Variants in EPHA6 observed in about 807,000 individuals in gnomAD.
EPHA6 encodes the protein EPH receptor A6.
Under a neutral mutation model 112.0 loss-of-function variants are expected in EPHA6, and 50 were observed. The ratio of observed to expected loss-of-function variants is 0.45; its 90% confidence interval spans 0.36 to 0.56. The LOEUF (loss-of-function observed/expected upper bound fraction) is 0.56, where lower values mean the gene tolerates loss of function less well. Among genes scored for constraint, EPHA6 ranks in the 20% least tolerant of loss-of-function variants. The pLI, the probability that EPHA6 is intolerant of heterozygous loss-of-function variation, is 0.00. For synonymous variants in EPHA6, 529 were observed against 490.7 expected (o/e 1.08, Z -1.03); for missense variants, 1,280 against 1,417.4 (o/e 0.90, Z 1.56).
At chr3:96,845,374 T>C (rs1415640032) in intron 1 of EPHA6, among the ~76,000 whole-genome samples, 1 of 152,024 alleles carries the variant, frequency 6.6e-6, no homozygotes, top group Non-Finnish European at 1.5e-5. Flanking sequence ...TTCAGCAGTG[T>C]GGCTCATATG....
intron 3 of EPHA6, among the ~76,000 whole-genome samples, chr3:97,189,240 G>T (rs1468857716): frequency 6.6e-6 from 1 of 152,012 alleles, no homozygotes; most frequent in African/African-American, 2.4e-5. Flanking sequence ...TATGAGATGT[G>T]CCAACAATAA....
At chr3:97,337,829 A>G (rs2083129599) in intron 5 of EPHA6, among the ~76,000 whole-genome samples, 1 of 152,148 alleles carries the variant, frequency 6.6e-6, no homozygotes, top group African/African-American at 2.4e-5. Flanking sequence ...TATCACAGTA[A>G]TCATATTTAT....
intron 2 of EPHA6, among the ~76,000 whole-genome samples, chr3:96,920,356 CTTATA>C (rs1394685936): frequency 6.6e-6 from 1 of 151,806 alleles, no homozygotes; most frequent in Non-Finnish European, 1.5e-5. Flanking sequence ...GAAAAATGCC[CTTATA>C]TTATACTACA....
intron 13 of EPHA6, among the ~76,000 whole-genome samples, chr3:97,628,236 G>A (rs1202831568): frequency 6.6e-6 from 1 of 151,918 alleles, no homozygotes; most frequent in Non-Finnish European, 1.5e-5. Flanking sequence ...AGTCTATGAT[G>A]TATGTTAAAA....
chr3:97,579,538 G>A (rs1267623565), intron 11 of EPHA6, among the ~76,000 whole-genome samples: 1 of 152,108 alleles, frequency 6.6e-6, no homozygotes, highest in Non-Finnish European at 1.5e-5. Context: ...CTTCCAGGGT[G>A]TACTTTCCTC....
At chr3:97,246,682 T>C (rs1195203599) in intron 5 of EPHA6, among the ~76,000 whole-genome samples, 2 of 151,666 alleles carry the variant, frequency 1.3e-5, no homozygotes. Flanking sequence ...TATTTGAAAG[T>C]ACATAAAGGT....
chr3:97,460,877 C>T (rs1311505162), intron 7 of EPHA6, among the ~76,000 whole-genome samples: 1 of 152,074 alleles, frequency 6.6e-6, no homozygotes, highest in African/African-American at 2.4e-5. Flanking sequence ...GAGGTCACTC[C>T]CCAGAAAACA....
chr3:97,525,456 A>C (rs1344060814), intron 10 of EPHA6, among the ~76,000 whole-genome samples: 1 of 152,080 alleles, frequency 6.6e-6, no homozygotes, highest in Non-Finnish European at 1.5e-5. Context: ...CTTGAAGATG[A>C]GCATTTTGAA....
intron 3 of EPHA6, among the ~76,000 whole-genome samples, chr3:97,180,401 A>G (rs1382273000): frequency 6.6e-6 from 1 of 152,052 alleles, no homozygotes; most frequent in African/African-American, 2.4e-5. Flanking sequence ...CTGGTACCTA[A>G]GGTACAAGGC....
Position 97,169,625 on chromosome 3 carries a change from T to G in EPHA6, c.1115-56639T>G, listed in dbSNP as rs184459614. Among the ~76,000 whole-genome samples the G allele has an allele frequency of 3.3e-4, 51 of 152,286 alleles. No homozygotes were observed. In the East Asian group the frequency reaches 7.5e-3, roughly 22 times the overall value. On this transcript the variant is annotated intron_variant, in intron 3 of 17. Coordinates refer to ENST00000389672, the MANE Select transcript of EPHA6 (RefSeq NM_001080448.3). ...CATTTCATTTGCAGATGAAAAGAAT[T>G]ATTGTCAAACTAATATAAATTCATA...
At chr3:97,501,352 C>G (rs2092112947) in intron 10 of EPHA6, among the ~76,000 whole-genome samples, 1 of 151,214 alleles carries the variant, frequency 6.6e-6, no homozygotes, top group African/African-American at 2.5e-5. Context: ...ATAATAAACT[C>G]AAATTTGCAG....
intron 3 of EPHA6, among the ~76,000 whole-genome samples, chr3:97,044,593 A>T (rs2045437355): frequency 6.6e-6 from 1 of 152,142 alleles, no homozygotes; most frequent in Non-Finnish European, 1.5e-5. Flanking sequence ...ACATAAAGAT[A>T]CCCATCAAAA....
intron 6 of EPHA6, among the ~76,000 whole-genome samples, chr3:97,410,826 A>T (rs571104257): frequency 1.3e-5 from 2 of 152,186 alleles, no homozygotes; most frequent in African/African-American, 4.8e-5. Flanking sequence ...TCGAGTGTTG[A>T]TAAAGGGGAA....
Position 97,625,979 on chromosome 3 carries a change from C to T in EPHA6, c.2575-11894C>T, listed in dbSNP as rs143327394. On this transcript the variant is annotated intron_variant, in intron 13 of 17. Coordinates refer to ENST00000389672, the MANE Select transcript of EPHA6 (RefSeq NM_001080448.3). ...AAGGAAATGATGCCTGATTCTATTG[C>T]ATTTCTATACAAAGTAGTAGAAGAG... is the stretch of plus-strand genomic sequence containing the variant. Among the ~76,000 whole-genome samples the T allele has an allele frequency of 3.9e-3, 595 of 151,776 alleles. 5 individuals are homozygous for T. Among genetic ancestry groups the T allele is most frequent in the African/African-American group, 0.014 (574 of 41,486 alleles).
intron 10 of EPHA6, among the ~76,000 whole-genome samples, chr3:97,526,077 G>T (rs1407841117): frequency 6.6e-6 from 1 of 152,152 alleles, no homozygotes; most frequent in Non-Finnish European, 1.5e-5. Context: ...CCACGAATAG[G>T]TATGTGTACA....
At chr3:97,429,951 C>T (rs147675454) in intron 6 of EPHA6, among the ~76,000 whole-genome samples, 1 of 152,172 alleles carries the variant, frequency 6.6e-6, no homozygotes, top group Non-Finnish European at 1.5e-5. Context: ...CCATGAGAAT[C>T]TCTGCTCTAG....
chr3:96,994,732 T>TAG (rs71623564), intron 3 of EPHA6, among the ~76,000 whole-genome samples: 1,188 of 82,166 alleles, frequency 0.014, 28 homozygotes, highest in African/African-American at 0.049. Flanking sequence ...TATATATATA[T>TAG]AGAGAGAGAG....
At chr3:97,088,704 C>G (rs1285534665) in intron 3 of EPHA6, among the ~76,000 whole-genome samples, 1 of 152,130 alleles carries the variant, frequency 6.6e-6, no homozygotes, top group Non-Finnish European at 1.5e-5. Flanking sequence ...TCAGTGCCTG[C>G]CTGGGAGAGG....
intron 3 of EPHA6, among the ~76,000 whole-genome samples, chr3:97,221,308 C>CAAAAAAAAAAA (rs57025573): frequency 1.2e-4 from 2 of 16,392 alleles, no homozygotes; most frequent in Admixed American, 8.1e-4. Context: ...GACTCTGTCT[C>CAAAAAAAAAAA]AAAAAAAAAA....
Sources: allele counts gnomAD v4.1 joint callset (sites outside exome capture counted in the v4.1 genomes callset), GRCh38; gene constraint gnomAD v4.1.1; transcripts MANE v1.5; gene names NCBI Gene and HGNC (gene_info 2026-07-23, HGNC 2026-07-21).